The following DNER variants were observed in gnomAD, a reference collection of about 807,000 sequenced individuals.
The protein encoded by DNER is delta/notch like EGF repeat containing.
A neutral mutation model predicts 78.2 loss-of-function variants in DNER; 33 were observed. The observed-to-expected ratio is 0.42, with a 90% CI of 0.32 to 0.56. DNER has a LOEUF of 0.56. DNER is among the 20% of genes least tolerant of loss of function. The pLI is 0.11. For missense variants in DNER, 918 were observed against 975.3 expected (o/e 0.94, Z 0.78); for synonymous variants, 417 against 384.8 (o/e 1.08, Z -0.98).
At chr2:229,637,073 G>A (rs1698542774) in intron 1 of DNER, among the ~76,000 whole-genome samples, 1 of 152,122 alleles carries the variant, frequency 6.6e-6, no homozygotes, top group South Asian at 2.1e-4. Context: ...TTACAGGTTT[G>A]GGTCCATCTG....
At chr2:229,426,856 C>A (rs1246469081) in intron 8 of DNER, among the ~76,000 whole-genome samples, 2 of 152,186 alleles carry the variant, frequency 1.3e-5, no homozygotes, top group African/African-American at 4.8e-5. Flanking sequence ...CACACACACA[C>A]ACACAACACA....
intron 7 of DNER, among the ~76,000 whole-genome samples, chr2:229,452,541 C>T (rs1443436900): frequency 6.6e-6 from 1 of 152,126 alleles, no homozygotes; most frequent in African/African-American, 2.4e-5. Context: ...AAACATGGGG[C>T]CAGGTACCAT....
chr2:229,516,569 A>G (rs1186191505), intron 5 of DNER, among the ~76,000 whole-genome samples: 1 of 152,148 alleles, frequency 6.6e-6, no homozygotes, highest in East Asian at 1.9e-4. Flanking sequence ...TTAAAAACCC[A>G]ATAAAGAATC....
At chr2:229,490,308 A>T (rs1022893391) in intron 6 of DNER, among the ~76,000 whole-genome samples, 1 of 152,244 alleles carries the variant, frequency 6.6e-6, no homozygotes, top group African/African-American at 2.4e-5. Context: ...ATTATTCACA[A>T]TAGCCAAAAG....
intron 3 of DNER, among the ~76,000 whole-genome samples, chr2:229,586,539 AAAAAAAAAAAAC>A (rs1450661544): frequency 8.4e-5 from 7 of 83,016 alleles, no homozygotes; most frequent in Admixed American, 2.4e-4. Flanking sequence ...AAAAAAAAAA[AAAAAAAAAAAAC>A]ACACAAAACC....
intron 12 of DNER, among the ~76,000 whole-genome samples, chr2:229,366,030 T>C (rs1277912584): frequency 6.6e-6 from 1 of 152,032 alleles, no homozygotes; most frequent in Non-Finnish European, 1.5e-5. Context: ...AAATATGGGG[T>C]TTTCTGTTCA....
rs34720917 is a variant in DNER, at chr2:229,710,983, GCACACACACACA to G, written c.276+3153_276+3164del. Among the ~76,000 whole-genome samples, 374 of 139,806 alleles carry G rather than the reference GCACACACACACA, an allele frequency of 2.7e-3. 2 individuals carry two copies. The highest frequency in any genetic ancestry group is 8.1e-3 in the African/African-American group (300 of 36,954). The allele number at this position is 139,806 out of a possible 152,430, so 91.7% of individuals were successfully genotyped here. A position where few individuals can be genotyped will look rare whatever the true frequency, so the allele number is the denominator to read the frequency against. On this transcript the variant is annotated intron_variant, in intron 1 of 12. Coordinates refer to ENST00000341772, the MANE Select transcript of DNER (RefSeq NM_139072.4). ...GACTGAAAATGGCATGCATACACGC[GCACACACACACA>G]CACACACACACACACACACACACAC... is the stretch of plus-strand genomic sequence containing the variant.
chr2:229,404,747 C>T (rs1218001632), intron 10 of DNER, among the ~76,000 whole-genome samples: 1 of 152,086 alleles, frequency 6.6e-6, no homozygotes, highest in Non-Finnish European at 1.5e-5. Context: ...GCTAAATATT[C>T]TGGAGAAAAC....
intron 5 of DNER, among the ~76,000 whole-genome samples, chr2:229,542,583 G>T (rs1696536477): frequency 6.6e-6 from 1 of 152,056 alleles, no homozygotes; most frequent in Non-Finnish European, 1.5e-5. Context: ...ACAAAATACA[G>T]TTCTATTTGT....
chr2:229,685,119 G>A (rs1012569632), intron 1 of DNER, among the ~76,000 whole-genome samples: 5 of 152,150 alleles, frequency 3.3e-5, no homozygotes, highest in African/African-American at 1.2e-4. Context: ...AACACAACAA[G>A]TTTAGAGGAC....
chr2:229,464,347 A>G (rs1421730205), intron 7 of DNER, among the ~76,000 whole-genome samples: 3 of 152,208 alleles, frequency 2.0e-5, no homozygotes, highest in Non-Finnish European at 4.4e-5. Flanking sequence ...AGAGTAAAAA[A>G]TATCTTAAGG....
At chr2:229,517,698 T>C (rs1341077169) in intron 5 of DNER, among the ~76,000 whole-genome samples, 1 of 152,156 alleles carries the variant, frequency 6.6e-6, no homozygotes, top group Non-Finnish European at 1.5e-5. Flanking sequence ...CCATATTACC[T>C]CCCAGAAGAC....
intron 6 of DNER, among the ~76,000 whole-genome samples, chr2:229,502,807 A>C (rs1190621570): frequency 3.3e-5 from 5 of 152,220 alleles, no homozygotes; most frequent in Admixed American, 2.0e-4. Context: ...GTTGCCTGAA[A>C]TAAGGAGACG....
intron 4 of DNER, among the ~76,000 whole-genome samples, chr2:229,567,735 A>G (rs1435726750): frequency 1.3e-5 from 2 of 152,214 alleles, no homozygotes; most frequent in African/African-American, 4.8e-5. Flanking sequence ...CCAAGAAATA[A>G]TGAATTACTG....
At chr2:229,588,348 G>C (rs924329161) in intron 3 of DNER, 46 bp downstream of exon 3, 2 of 1,579,174 alleles carry the variant, frequency 1.3e-6, no homozygotes, top group African/African-American at 2.7e-5. Flanking sequence ...CCCACTTATA[G>C]GTCATAGCAT....
intron 5 of DNER, among the ~76,000 whole-genome samples, chr2:229,522,227 T>C (rs1156302358): frequency 6.6e-6 from 1 of 152,242 alleles, no homozygotes; most frequent in African/African-American, 2.4e-5. Context: ...AAATGTCTTT[T>C]AGGAAATGCT....
chr2:229,668,341 T>C (rs2154216747), intron 1 of DNER, among the ~76,000 whole-genome samples: 1 of 151,260 alleles, frequency 6.6e-6, no homozygotes, highest in East Asian at 1.9e-4. Context: ...AAACTGTGTG[T>C]ATCACTTCGC....
chr2:229,696,878 G>A (rs1410912481), intron 1 of DNER, among the ~76,000 whole-genome samples: 1 of 152,178 alleles, frequency 6.6e-6, no homozygotes, highest in African/African-American at 2.4e-5. Context: ...TAACCATCCA[G>A]GGGGGATCCT....
At chr2:229,436,186 C>T (rs150741381) in intron 8 of DNER, among the ~76,000 whole-genome samples, 2 of 152,130 alleles carry the variant, frequency 1.3e-5, no homozygotes, top group African/African-American at 4.8e-5. Flanking sequence ...CACTTATAAG[C>T]GAGAACATGA....
Sources: allele counts gnomAD v4.1 joint callset (sites outside exome capture counted in the v4.1 genomes callset), GRCh38; gene constraint gnomAD v4.1.1; transcripts MANE v1.5; gene names NCBI Gene and HGNC (gene_info 2026-07-23, HGNC 2026-07-21).